SHTN1: variants seen among roughly 807,000 people sequenced by gnomAD.
SHTN1 encodes shootin-1.
SHTN1 carries 42 observed loss-of-function variants against 83.1 expected under a neutral mutation model. That is an observed-to-expected ratio of 0.51 (90% CI 0.39 to 0.65). The LOEUF (loss-of-function observed/expected upper bound fraction) is 0.65. Ranked by LOEUF, SHTN1 falls within the 30% of genes least tolerant of loss-of-function variation. SHTN1 has a pLI of 0.00. For synonymous variants in SHTN1, 224 were observed against 247.7 expected (o/e 0.90, Z 0.90); for missense variants, 622 against 737.8 (o/e 0.84, Z 1.82).
chr10:117,047,848 C>T (rs1364854860), intron 2 of SHTN1, among the ~76,000 whole-genome samples: 1 of 148,296 alleles, frequency 6.7e-6, no homozygotes, highest in East Asian at 2.0e-4. Context: ...AACTCTGGAC[C>T]TCAAATGATC....
intron 14 of SHTN1, among the ~76,000 whole-genome samples, chr10:116,908,482 C>G (rs1311503421): frequency 2.7e-4 from 41 of 152,054 alleles, no homozygotes; most frequent in Admixed American, 2.7e-3. Context: ...GAAAAAAGTA[C>G]TACAACAACT....
chr10:116,926,068 C>T (rs550795073), intron 11 of SHTN1, among the ~76,000 whole-genome samples: 2 of 151,964 alleles, frequency 1.3e-5, no homozygotes, highest in South Asian at 4.2e-4. Context: ...AAATAAAAAT[C>T]ATATTATTCA....
intron 16 of SHTN1, chr10:116,900,328 T>C: frequency 1.7e-6 from 1 of 574,272 alleles, no homozygotes; most frequent in Non-Finnish European, 3.1e-6. Flanking sequence ...AGATGAGAAA[T>C]AAATTGAGCT....
chr10:117,087,641 A>G (rs1422960999), intron 1 of SHTN1, among the ~76,000 whole-genome samples: 1 of 152,236 alleles, frequency 6.6e-6, no homozygotes, highest in Admixed American at 6.5e-5. Flanking sequence ...TACGTGACAT[A>G]CAGGAAAGGA....
Position 116,901,934 on chromosome 10 carries a change from A to G in SHTN1, c.1504T>C (p.Ser502Pro), listed in dbSNP as rs1040348941. The G allele has an allele frequency of 6.2e-7, 1 of 1,602,120 alleles. No individual in the cohort carries two copies. Among genetic ancestry groups the G allele is most frequent in the Non-Finnish European group, 8.5e-7 (1 of 1,175,686 alleles). ...SSSPTGILATSESKSMPVLGS... is the reference protein window; with the variant it reads ...SSSPTGILATPESKSMPVLGS... ...AACACTGGCATGGATTTGGACTCTG[A>G]GGTGGCTAATATCCCAGTTGGACCT... Residue 502 changes from serine (S) to proline (P), a missense_variant, in exon 16 of 17, where the codon TCA (serine) becomes CCA (proline). Transcript: ENST00000355371.
intron 10 of SHTN1, 138 bp downstream of exon 10, chr10:116,929,711 G>C (rs1336609568): frequency 7.9e-6 from 4 of 508,734 alleles, no homozygotes; most frequent in African/African-American, 2.0e-5. Flanking sequence ...TAGAAATTAA[G>C]GAATTTCAAA....
intron 1 of SHTN1, among the ~76,000 whole-genome samples, chr10:116,991,053 GT>G (rs1851412831): frequency 6.6e-6 from 1 of 152,114 alleles, no homozygotes; most frequent in African/African-American, 2.4e-5. Context: ...AGGCGCGGTG[GT>G]GGGCGCCTGT....
intron 12 of SHTN1, among the ~76,000 whole-genome samples, chr10:116,919,996 C>T (rs1229363027): frequency 6.6e-6 from 1 of 152,120 alleles, no homozygotes; most frequent in Non-Finnish European, 1.5e-5. Flanking sequence ...GAAGAGTAAA[C>T]CCTCAAAGAG....
At chr10:116,886,793 C>T (rs1015508438) in intron 16 of SHTN1, among the ~76,000 whole-genome samples, 4 of 152,168 alleles carry the variant, frequency 2.6e-5, no homozygotes, top group Admixed American at 6.5e-5. Flanking sequence ...AGAGAAAGAG[C>T]GATTAACTAC....
At chr10:117,120,867 T>C (rs1044064019) in intron 1 of SHTN1, among the ~76,000 whole-genome samples, 1 of 151,226 alleles carries the variant, frequency 6.6e-6, no homozygotes, top group Admixed American at 6.6e-5. Flanking sequence ...TGAAGTACAG[T>C]GGCACGATCT....
intron 4 of SHTN1, 60 bp downstream of exon 4, chr10:116,960,076 C>A: frequency 9.8e-7 from 1 of 1,020,560 alleles, no homozygotes; most frequent in African/African-American, 1.6e-5. Context: ...GAAGCCACTG[C>A]TTAGAAAAGC....
intron 1 of SHTN1, among the ~76,000 whole-genome samples, chr10:117,122,096 C>T (rs1853937935): frequency 6.6e-6 from 1 of 151,712 alleles, no homozygotes; most frequent in Non-Finnish European, 1.5e-5. Flanking sequence ...CCATAATAAC[C>T]TAATACAATG....
intron 1 of SHTN1, among the ~76,000 whole-genome samples, chr10:117,094,426 G>GA (rs1400692662): frequency 6.6e-6 from 1 of 152,072 alleles, no homozygotes; most frequent in African/African-American, 2.4e-5. Flanking sequence ...CCCTCCTCAG[G>GA]AAAAAATCTT....
At position 117,004,183 on chromosome 10, in the gene SHTN1, G is replaced by A. The variant is rs543142307; in HGVS notation, c.58+839C>T. ...ATTACAGGCGTGAGCCACCGCACCC[G>A]GCTGGTTCCTCCCTGTCTTGACCCA... On this transcript the variant is annotated intron_variant, in intron 1 of 16. Coordinates refer to ENST00000355371, the MANE Select transcript of SHTN1 (RefSeq NM_001127211.3). Among the ~76,000 whole-genome samples, 15 of 152,240 alleles carry A rather than the reference G, an allele frequency of 9.9e-5. No homozygotes were observed. The South Asian group carries it at 1.9e-3, about 19-fold the overall frequency.
At chr10:117,073,463 A>G (rs560822753) in intron 1 of SHTN1, among the ~76,000 whole-genome samples, 88 of 152,362 alleles carry the variant, frequency 5.8e-4, no homozygotes, top group Non-Finnish European at 1.0e-3. Context: ...CAATGGTCAC[A>G]TAGCTGGTAA....
intron 16 of SHTN1, among the ~76,000 whole-genome samples, chr10:116,895,713 A>G (rs1395731358): frequency 6.6e-6 from 1 of 152,204 alleles, no homozygotes; most frequent in African/African-American, 2.4e-5. Context: ...TTAAGACACT[A>G]AACGCAGTAC....
intron 2 of SHTN1, among the ~76,000 whole-genome samples, chr10:117,036,469 G>T (rs1482220945): frequency 1.3e-5 from 2 of 152,298 alleles, no homozygotes; most frequent in South Asian, 2.1e-4. Flanking sequence ...AAAAGAATGA[G>T]ATCCTGTCAT....
chr10:116,987,383 CAA>C (rs1851255532), intron 1 of SHTN1, among the ~76,000 whole-genome samples: 1 of 152,090 alleles, frequency 6.6e-6, no homozygotes, highest in Non-Finnish European at 1.5e-5. Context: ...TGGGAACAAA[CAA>C]GACGTTCTTC....
chr10:116,907,747 A>G (rs1439691592), intron 14 of SHTN1, among the ~76,000 whole-genome samples: 1 of 152,138 alleles, frequency 6.6e-6, no homozygotes, highest in Non-Finnish European at 1.5e-5. Flanking sequence ...ACCATACATA[A>G]TCTTTTGATC....
Sources: gnomAD v4.1 joint callset for allele counts (sites outside exome capture counted in the v4.1 genomes callset) on GRCh38, gnomAD v4.1.1 for gene constraint, MANE v1.5 for transcripts, NCBI Gene and HGNC (gene_info 2026-07-23, HGNC 2026-07-21) for gene names.